The following DCC variants were observed in gnomAD, a reference collection of about 807,000 sequenced individuals.
The protein encoded by DCC is DCC netrin 1 receptor.
Under a neutral mutation model 172.5 loss-of-function variants are expected in DCC, and 58 were observed. The ratio of observed to expected loss-of-function variants is 0.34; its 90% CI spans 0.27 to 0.42. The LOEUF (loss-of-function observed/expected upper bound fraction) is 0.42. DCC is among the 10% of genes least tolerant of loss of function. The pLI is 1.00. For missense variants in DCC, 1,740 were observed against 1,791.0 expected, an observed-to-expected ratio of 0.97 and a Z score of 0.51; for synonymous variants, 709 against 644.5, an observed-to-expected ratio of 1.10 and a Z score of -1.52.
At chr18:53,444,551 A>G (rs746319489) in intron 22 of DCC, among the ~76,000 whole-genome samples, 7 of 152,174 alleles carry the variant, frequency 4.6e-5, no homozygotes, top group Non-Finnish European at 8.8e-5. Context: ...CCCTTCAGCA[A>G]TTCCCAACCT....
rs35302015 is a variant in DCC, at chr18:52,376,483, ATGTGTG to A, written c.91+35625_91+35630del. Among the ~76,000 whole-genome samples the A allele has an allele frequency of 1.5e-4, 22 of 150,074 alleles. 1 individual carries two copies. Among genetic ancestry groups the A allele is most frequent in the South Asian group, 4.3e-4 (2 of 4,700 alleles). The stretch of plus-strand genomic sequence containing the variant: ...TTCTCAAAAATAATAGTATATTTCT[ATGTGTG>A]TGTGTGTGTGTGTGTGTGTATATGT... On this transcript the variant is annotated intron_variant, in intron 1 of 28. Transcript: ENST00000442544.
rs75573860 is a variant in DCC at position 52,748,780 on chromosome 18, C to T, written c.92-3274C>T. On this transcript the variant is annotated intron_variant, in intron 1 of 28. Coordinates refer to ENST00000442544, the MANE Select transcript of DCC (RefSeq NM_005215.4). ...TACTGAGTGACAGAACATCTCTGGG[C>T]GGAGAGGCGATCTGCAGTGGGTAGT... 2.6e-5 allele frequency among the ~76,000 whole-genome samples: 4 copies of T among 152,248 alleles called. No individual in the cohort carries two copies. The East Asian group carries it at 5.8e-4, about 22-fold the overall frequency.
intron 12 of DCC, among the ~76,000 whole-genome samples, chr18:53,279,391 G>C (rs1258306006): frequency 6.7e-6 from 1 of 149,962 alleles, no homozygotes; most frequent in Non-Finnish European, 1.5e-5. Flanking sequence ...GCAAACTATC[G>C]CAAGGACAAA....
At chr18:53,434,702 A>G (rs1415286786) in intron 21 of DCC, among the ~76,000 whole-genome samples, 1 of 152,184 alleles carries the variant, frequency 6.6e-6, no homozygotes, top group East Asian at 1.9e-4. Flanking sequence ...TTATAAGATG[A>G]AATGTGCTGG....
At chr18:52,899,837 G>A (rs1207017879) in intron 2 of DCC, among the ~76,000 whole-genome samples, 2 of 152,000 alleles carry the variant, frequency 1.3e-5, no homozygotes, top group Non-Finnish European at 2.9e-5. Flanking sequence ...TATTGCTTGT[G>A]TTTCCTAAAC....
chr18:52,613,507 T>G (rs1287333045), intron 1 of DCC, among the ~76,000 whole-genome samples: 3 of 152,236 alleles, frequency 2.0e-5, no homozygotes, highest in Admixed American at 6.5e-5. Context: ...CGCCCGCCTC[T>G]GCCTCCCAAA....
intron 1 of DCC, among the ~76,000 whole-genome samples, chr18:52,626,525 G>A (rs1410108482): frequency 6.6e-6 from 1 of 151,768 alleles, no homozygotes; most frequent in Non-Finnish European, 1.5e-5. Flanking sequence ...CCTCAATTAG[G>A]TTGTCCCTTT....
At chr18:53,226,628 A>G (rs2056032708) in intron 12 of DCC, among the ~76,000 whole-genome samples, 1 of 151,990 alleles carries the variant, frequency 6.6e-6, no homozygotes, top group African/African-American at 2.4e-5. Context: ...AAAAGTTTTA[A>G]ATGGGAAAAT....
chr18:53,178,945 C>G lies in DCC; in HGVS notation c.1419-17C>G. ...TTCTTTTTGGAATAATCTTTCTCTG[C>G]AACTTTGATTTCTCAGGGAACGAGC... On this transcript the variant is annotated splice_polypyrimidine_tract_variant and intron_variant, in intron 8 of 28. Coordinates refer to ENST00000442544, the MANE Select transcript of DCC (RefSeq NM_005215.4). 6.2e-7 allele frequency: 1 copy of G among 1,613,740 alleles called. No individual in the cohort carries two copies. The highest frequency in any genetic ancestry group is 2.2e-5 in the East Asian group (1 of 44,862).
At chr18:53,285,877 T>C (rs2056930084) in intron 12 of DCC, among the ~76,000 whole-genome samples, 1 of 152,146 alleles carries the variant, frequency 6.6e-6, no homozygotes, top group African/African-American at 2.4e-5. Context: ...TCAAAGGAGA[T>C]CATTTTGGAG....
intron 1 of DCC, among the ~76,000 whole-genome samples, chr18:52,691,820 C>T (rs1188643575): frequency 6.6e-6 from 1 of 152,112 alleles, no homozygotes; most frequent in African/African-American, 2.4e-5. Flanking sequence ...AACCTCACTC[C>T]CACCCTATCC....
At chr18:53,341,405 G>A (rs957836508) in intron 15 of DCC, among the ~76,000 whole-genome samples, 3 of 152,260 alleles carry the variant, frequency 2.0e-5, no homozygotes, top group Middle Eastern at 3.4e-3. Context: ...GGAGATTAAC[G>A]TTGGCAAATC....
chr18:53,349,374 T>A (rs933727570), intron 15 of DCC, among the ~76,000 whole-genome samples: 1 of 152,184 alleles, frequency 6.6e-6, no homozygotes, highest in African/African-American at 2.4e-5. Flanking sequence ...ATTCAACAAG[T>A]CTCTAGGAAG....
At chr18:52,675,485 T>C (rs943612470) in intron 1 of DCC, among the ~76,000 whole-genome samples, 1 of 152,160 alleles carries the variant, frequency 6.6e-6, no homozygotes, top group Non-Finnish European at 1.5e-5. Context: ...ACGTATTTCC[T>C]AAATATATTT....
At chr18:52,576,360 C>T (rs1032039948) in intron 1 of DCC, among the ~76,000 whole-genome samples, 1 of 152,156 alleles carries the variant, frequency 6.6e-6, no homozygotes, top group Admixed American at 6.5e-5. Flanking sequence ...ACAAATGAAG[C>T]TGCCTGGACT....
chr18:52,923,984 C>A lies in DCC; in HGVS notation c.848+127C>A, dbSNP rs554979969. On this transcript the variant is annotated intron_variant, in intron 4 of 28. Transcript: ENST00000442544. ...TTTTCATAATAATTGAATATTTTTC[C>A]ACATTTCTTGGCATGATACAGTTAT... 19 of 758,836 alleles carry A rather than the reference C, an allele frequency of 2.5e-5. No homozygotes were observed. In the East Asian group the frequency reaches 4.8e-4, roughly 19 times the overall value. The allele number at this position is 758,836 out of a possible 1,614,324, so 47.0% of individuals were successfully genotyped here.
chr18:53,280,447 T>C (rs1388893710), intron 12 of DCC, among the ~76,000 whole-genome samples: 1 of 152,162 alleles, frequency 6.6e-6, no homozygotes, highest in Non-Finnish European at 1.5e-5. Flanking sequence ...TCCAATCTTG[T>C]TCCTAATCTC....
chr18:53,195,884 G>T (rs1009267404), intron 9 of DCC, among the ~76,000 whole-genome samples: 4 of 152,078 alleles, frequency 2.6e-5, no homozygotes, highest in Non-Finnish European at 5.9e-5. Context: ...ATGATATATT[G>T]TTCATTTCTA....
intron 10 of DCC, among the ~76,000 whole-genome samples, chr18:53,206,271 ATAACACATATATACCACATATATGTATTG>A (rs1486084781): frequency 3.7e-5 from 5 of 134,304 alleles, no homozygotes; most frequent in Non-Finnish European, 1.5e-5. Context: ...TATATGTATT[ATAACACATATATACCACATATATGTATTG>A]TAACACATAT....
Sources: gnomAD v4.1 joint callset for allele counts (sites outside exome capture counted in the v4.1 genomes callset) on GRCh38, gnomAD v4.1.1 for gene constraint, MANE v1.5 for transcripts, NCBI Gene and HGNC (gene_info 2026-07-23, HGNC 2026-07-21) for gene names.